Variants in GOLGA3 observed in about 807,000 individuals in gnomAD.
GOLGA3 encodes golgin A3.
In GOLGA3, 75 loss-of-function variants were observed where a neutral mutation model predicts 169.4. The observed-to-expected ratio is 0.44, with a 90% CI of 0.37 to 0.54. The LOEUF (loss-of-function observed/expected upper bound fraction) is 0.54, where lower values mean the gene tolerates loss of function less well. Ranked by LOEUF, GOLGA3 falls within the 20% of genes least tolerant of loss-of-function variation. The probability of loss-of-function intolerance (pLI) is 0.00; values close to 1 mark genes in which losing one functional copy is unlikely to be tolerated. For missense variants in GOLGA3, 1,899 were observed against 1,930.0 expected, an observed-to-expected ratio of 0.98 and a Z score of 0.30; for synonymous variants, 824 against 822.4, an observed-to-expected ratio of 1.00 and a Z score of -0.03.
In GOLGA3 at chr12:132,774,336, C is replaced by G. The variant is rs1011790155; in HGVS notation, c.4144-16G>C. 4 of 1,609,940 alleles carry G rather than the reference C, an allele frequency of 2.5e-6. No individual in the cohort carries two copies. Among genetic ancestry groups the G allele is most frequent in the Non-Finnish European group, 3.4e-6 (4 of 1,179,974 alleles). On this transcript the variant is annotated splice_polypyrimidine_tract_variant and intron_variant, in intron 22 of 23. Transcript: ENST00000450791. Reference sequence around the variant, plus strand: ...GCTCCTTTCTCTGTTTTTAAAAGCACATGATCAGCTTTCCCACCGTCCCCT... The same window carrying G: ...GCTCCTTTCTCTGTTTTTAAAAGCAGATGATCAGCTTTCCCACCGTCCCCT...
intron 11 of GOLGA3, among the ~76,000 whole-genome samples, chr12:132,794,394 A>G (rs1363439152): frequency 1.3e-5 from 2 of 151,572 alleles, no homozygotes; most frequent in East Asian, 3.9e-4. Context: ...AAGGCCAGGC[A>G]GAGTGGCCAA....
chr12:132,773,098 A>G lies in GOLGA3; in HGVS notation c.*7T>C, dbSNP rs750148652. ...GGCAGCGGCGCACGGAGGCGAGTCC[A>G]CAGCAGTCACTCTCCCGGCCCTTCT... On this transcript the variant is annotated 3_prime_UTR_variant, in exon 24 of 24. Transcript: ENST00000450791. The G allele has an allele frequency of 6.4e-7, 1 of 1,562,502 alleles. No homozygotes were observed. Among genetic ancestry groups the G allele is most frequent in the Non-Finnish European group, 8.7e-7 (1 of 1,151,044 alleles).
chr12:132,804,804 G>T lies in GOLGA3; in HGVS notation c.1509C>A (p.Asn503Lys). 6.2e-7 allele frequency: 1 copy of T among 1,614,224 alleles called. No individual in the cohort carries two copies. The highest frequency in any genetic ancestry group is 8.5e-7 in the Non-Finnish European group (1 of 1,180,032). Residue 503 changes from asparagine to lysine, a missense_variant, in exon 7 of 24, where the codon AAC (asparagine) becomes AAA (lysine). Transcript: ENST00000450791. The surrounding 1 kb of genome is among the most constrained non-coding windows in gnomAD (Gnocchi z 4.1). ...AKNASLASSN[N>K]DLQVAEEQYQ... Reference sequence around the variant, plus strand: ...ACTGCTCCTCGGCCACCTGCAAGTCGTTGTTGGACGACGCCAGGCTGGCAT... The same window carrying T: ...ACTGCTCCTCGGCCACCTGCAAGTCTTTGTTGGACGACGCCAGGCTGGCAT...
Position 132,769,674 on chromosome 12 carries a change from C to G in GOLGA3, c.*3431G>C, listed in dbSNP as rs1436222496. On this transcript the variant is annotated 3_prime_UTR_variant, in exon 24 of 24. Coordinates refer to ENST00000450791, the MANE Select transcript of GOLGA3 (RefSeq NM_001389683.1). ...CGTGAAGTGCCCTAGCCTGTTGTGA[C>G]ACACGGTGTGGGGATGAACACGCCG... The G allele has an allele frequency of 6.6e-6, 1 of 152,182 alleles. No homozygotes were observed. The highest frequency in any genetic ancestry group is 6.5e-5 in the Admixed American group (1 of 15,274). 9.4% of individuals were successfully genotyped at this position (152,182 alleles called of 1,614,324 possible).
chr12:132,820,693 G>A (rs1017126978), intron 2 of GOLGA3, among the ~76,000 whole-genome samples: 1 of 152,128 alleles, frequency 6.6e-6, no homozygotes, highest in African/African-American at 2.4e-5. Context: ...CTTTCCCTCT[G>A]ACACGTGAAT....
rs1397649476 is a variant in GOLGA3 at position 132,787,613 on chromosome 12, AG to A, written c.2812-827del. Among the ~76,000 whole-genome samples, 665 of 98,050 alleles carry A rather than the reference AG, an allele frequency of 6.8e-3. 52 individuals carry two copies. Among genetic ancestry groups the A allele is most frequent in the South Asian group, 0.018 (45 of 2,474 alleles). 64.3% of individuals were successfully genotyped at this position (98,050 alleles called of 152,430 possible). On this transcript the variant is annotated intron_variant, in intron 13 of 23. Coordinates refer to ENST00000450791, the MANE Select transcript of GOLGA3 (RefSeq NM_001389683.1). ...CAGAACCCCTGGGACCCTTCCCCGG[AG>A]ACCCCGGGACCCCTCCCCGGAGACC...
chr12:132,789,524 C>T (rs1208174563), intron 12 of GOLGA3, among the ~76,000 whole-genome samples: 2 of 152,200 alleles, frequency 1.3e-5, no homozygotes, highest in African/African-American at 4.8e-5. Flanking sequence ...GCAGTCACAC[C>T]GGCCTCATAG....
rs754465551 is a variant in GOLGA3 at position 132,775,303 on chromosome 12, G to A, written c.3981C>T (p.Asn1327=). 7.5e-6 allele frequency: 12 copies of A among 1,597,034 alleles called. No individual in the cohort carries two copies. The highest frequency in any genetic ancestry group is 3.4e-5 in the South Asian group (3 of 88,306). The part of the protein sequence containing the change: ...ELEGLQQLLQ[N]VKSELEMAQE... Reference sequence around the variant, plus strand: ...GGGCCATCTCCAACTCAGACTTGACGTTCTGTGGAAAATGAAGTCAGATTT... The same window carrying A: ...GGGCCATCTCCAACTCAGACTTGACATTCTGTGGAAAATGAAGTCAGATTT... The change falls in exon 22 of 24, where the codon AAC becomes AAT. Residue 1327 remains asparagine, a splice_region_variant and synonymous_variant. Transcript: ENST00000450791.
intron 2 of GOLGA3, among the ~76,000 whole-genome samples, chr12:132,820,223 C>T (rs530039114): frequency 6.6e-6 from 1 of 152,184 alleles, no homozygotes; most frequent in Admixed American, 6.5e-5. Flanking sequence ...TCGATAGTCA[C>T]CGCTACCCCA....
chr12:132,773,422 T>G, intron 23 of GOLGA3, 128 bp from the exon 24 acceptor site: 2 of 531,884 alleles, frequency 3.8e-6, no homozygotes, highest in Non-Finnish European at 6.6e-6. Flanking sequence ...GCAAACCAAC[T>G]GAGACCACAG....
At position 132,777,606 on chromosome 12, in the gene GOLGA3, T is replaced by G. The variant is rs1046998654; in HGVS notation, c.3722+60A>C. On this transcript the variant is annotated intron_variant, in intron 19 of 23. Coordinates refer to ENST00000450791, the MANE Select transcript of GOLGA3 (RefSeq NM_001389683.1). The surrounding 1 kb of genome is among the most constrained non-coding windows in gnomAD (Gnocchi z 4.7). Reference sequence around the variant, plus strand: ...CCCTCGCTGTGCTGAAGGTGTGAATTAGACCCCGCCCATTGCCAGGACAGC... The same window carrying G: ...CCCTCGCTGTGCTGAAGGTGTGAATGAGACCCCGCCCATTGCCAGGACAGC... 2.5e-5 allele frequency: 40 copies of G among 1,591,362 alleles called. No individual in the cohort carries two copies. In the African/African-American group the frequency reaches 4.4e-4, roughly 18 times the overall value.
At chr12:132,794,436 C>G (rs924171749) in intron 11 of GOLGA3, among the ~76,000 whole-genome samples, 4 of 152,142 alleles carry the variant, frequency 2.6e-5, no homozygotes, top group Non-Finnish European at 5.9e-5. Flanking sequence ...CAGTCCGTCT[C>G]CCAGTCGGCT....
rs1399257911 is a variant in GOLGA3, at chr12:132,775,434, A to G, written c.3979-129T>C. The G allele has an allele frequency of 5.3e-6, 4 of 753,694 alleles. No individual in the cohort carries two copies. In the East Asian group the frequency reaches 1.1e-4, roughly 21 times the overall value. The allele number at this position is 753,694 out of a possible 1,614,324, so 46.7% of individuals were successfully genotyped here. On this transcript the variant is annotated intron_variant, in intron 21 of 23. Coordinates refer to ENST00000450791, the MANE Select transcript of GOLGA3 (RefSeq NM_001389683.1). ...GGCGCCATCTAGATGATGCCAGTCC[A>G]GGTCCAAAATGCTCAGGACCAGAAG...
At chr12:132,805,905 G>T (rs1593333987) in intron 6 of GOLGA3, among the ~76,000 whole-genome samples, 1 of 151,952 alleles carries the variant, frequency 6.6e-6, no homozygotes, top group African/African-American at 2.4e-5. Context: ...ATTCAGATCT[G>T]GGGGGAAATG....
chr12:132,786,589 T>C lies in GOLGA3; in HGVS notation c.2907-34A>G, dbSNP rs763046583. 7.5e-6 allele frequency: 12 copies of C among 1,606,236 alleles called. No homozygotes were observed. The African/African-American group carries it at 1.6e-4, about 21-fold the overall frequency. ...TCATGAGGGAGACACAGGAGGAAGCTGAATTATCCCGATGTGACCGTCTGG... is the reference window on the plus strand; with the variant it reads ...TCATGAGGGAGACACAGGAGGAAGCCGAATTATCCCGATGTGACCGTCTGG... On this transcript the variant is annotated intron_variant, in intron 14 of 23. Coordinates refer to ENST00000450791, the MANE Select transcript of GOLGA3 (RefSeq NM_001389683.1).
In GOLGA3 at chr12:132,798,369, G is replaced by A. The variant is rs372097416; in HGVS notation, c.1909C>T (p.Arg637Cys). The part of the protein sequence containing the change: ...TQHRSMKEKG[R>C]IAAQLQGIEA... ...ATGCCCTGCAGCTGTGCCGCGATGCGCCCCTTCTCCTTCATGGACCTGTGC... is the reference window on the plus strand; with the variant it reads ...ATGCCCTGCAGCTGTGCCGCGATGCACCCCTTCTCCTTCATGGACCTGTGC... Residue 637 changes from arginine (R) to cysteine (C), a missense_variant, in exon 9 of 24, where the codon CGC (arginine) becomes TGC (cysteine). Coordinates refer to ENST00000450791, the MANE Select transcript of GOLGA3 (RefSeq NM_001389683.1). 9.9e-6 allele frequency: 16 copies of A among 1,612,846 alleles called. No individual in the cohort carries two copies. The highest frequency in any genetic ancestry group is 3.3e-5 in the South Asian group (3 of 90,976).
intron 3 of GOLGA3, among the ~76,000 whole-genome samples, chr12:132,814,563 T>C (rs1351955448): frequency 1.3e-5 from 2 of 152,200 alleles, no homozygotes; most frequent in African/African-American, 4.8e-5. Flanking sequence ...TCAGTTACAT[T>C]TGGGGTCCGC....
chr12:132,819,985 G>A (rs1950142979), intron 2 of GOLGA3, among the ~76,000 whole-genome samples: 1 of 152,214 alleles, frequency 6.6e-6, no homozygotes, highest in Non-Finnish European at 1.5e-5. Flanking sequence ...TTCAAAACCA[G>A]CCTGATCAAC....
intron 8 of GOLGA3, among the ~76,000 whole-genome samples, chr12:132,798,785 G>A (rs757702410): frequency 2.6e-4 from 39 of 152,088 alleles, no homozygotes; most frequent in Non-Finnish European, 4.3e-4. Context: ...GAGCCCCTGT[G>A]GGTGAGGAGG....
Sources: gnomAD v4.1 joint callset for allele counts (sites outside exome capture counted in the v4.1 genomes callset) on GRCh38, gnomAD v4.1.1 for gene constraint, Gnocchi (gnomAD v3.1) non-coding constraint, MANE v1.5 for transcripts, NCBI Gene and HGNC (gene_info 2026-07-23, HGNC 2026-07-21) for gene names.